Variants in SEMA6C observed in about 807,000 individuals in gnomAD.
The protein encoded by SEMA6C is semaphorin 6C.
SEMA6C carries 37 observed loss-of-function variants against 72.9 expected under a neutral mutation model. The ratio of observed to expected loss-of-function variants is 0.51; its 90% CI spans 0.39 to 0.67. The LOEUF is 0.67. Among genes scored for constraint, SEMA6C ranks in the 30% least tolerant of loss-of-function variants. The pLI, the probability that SEMA6C is intolerant of heterozygous loss-of-function variation, is 0.00. For missense variants in SEMA6C, 1,189 were observed against 1,263.6 expected (o/e 0.94, Z 0.89); for synonymous variants, 578 against 554.1 (o/e 1.04, Z -0.61).
At chr1:151,134,334 C>T in intron 18 of SEMA6C, 67 bp downstream of exon 18, 1 of 1,428,508 alleles carries the variant, frequency 7.0e-7, no homozygotes, top group Non-Finnish European at 9.7e-7. Flanking sequence ...TCTGCTGCTG[C>T]TACAGGACAC....
rs1289321196 is a variant in SEMA6C, at chr1:151,132,160, C to G, written c.*324G>C. 3 of 1,383,818 alleles carry G rather than the reference C, an allele frequency of 2.2e-6. No individual in the cohort carries two copies. The highest frequency in any genetic ancestry group is 1.4e-5 in the African/African-American group (1 of 69,222). 85.7% of individuals were successfully genotyped at this position (1,383,818 alleles called of 1,614,324 possible). ...TCTGGACACAGCGCGCGCGGCCCGC[C>G]CGGGGCACAGTCTCTGGGGGAGCCC... On this transcript the variant is annotated 3_prime_UTR_variant, in exon 19 of 19. Coordinates refer to ENST00000368914, the MANE Select transcript of SEMA6C (RefSeq NM_030913.6).
intron 18 of SEMA6C, 105 bp downstream of exon 18, chr1:151,134,296 G>T: frequency 8.6e-7 from 1 of 1,163,410 alleles, no homozygotes; most frequent in African/African-American, 1.5e-5. Context: ...ACCCTTTTCC[G>T]ATACTCCCAG....
At chr1:151,137,096 G>A in intron 10 of SEMA6C, 22 bp from the exon 11 acceptor site, 1 of 1,605,012 alleles carries the variant, frequency 6.2e-7, no homozygotes, top group Non-Finnish European at 8.5e-7. Context: ...GAGTGGAGTA[G>A]ACAATGGTGA....
At chr1:151,138,551 T>G (rs1472150914) in intron 7 of SEMA6C, 79 bp downstream of exon 7, 2 of 1,495,600 alleles carry the variant, frequency 1.3e-6, no homozygotes, top group Admixed American at 3.5e-5. Context: ...CCGCAGTCCT[T>G]GGTCCTTTCC....
intron 12 of SEMA6C, 41 bp from the exon 13 acceptor site, chr1:151,136,204 CTGGA>C: frequency 6.2e-7 from 1 of 1,610,080 alleles, no homozygotes; most frequent in Non-Finnish European, 8.5e-7. Context: ...GGACTGGGAG[CTGGA>C]GCTTAGTTAA....
At chr1:151,134,981 C>A in intron 15 of SEMA6C, 106 bp from the exon 16 acceptor site, 1 of 1,343,798 alleles carries the variant, frequency 7.4e-7, no homozygotes, top group South Asian at 1.2e-5. Context: ...CAGCCTCATT[C>A]TCTCCTGTCC....
chr1:151,140,211 ATTCTTAATACCAATAACACTGAG>A, intron 3 of SEMA6C, 121 bp from the exon 4 acceptor site: 1 of 743,558 alleles, frequency 1.3e-6, no homozygotes, highest in Non-Finnish European at 2.4e-6. Context: ...CCCAAAAGCT[ATTCTTAATACCAATAACACTGAG>A]TACTTAATCT....
In SEMA6C at chr1:151,138,490, TC is replaced by T. The variant is rs1682250281; in HGVS notation, c.457-85del. On this transcript the variant is annotated intron_variant, in intron 7 of 18. Coordinates refer to ENST00000368914, the MANE Select transcript of SEMA6C (RefSeq NM_030913.6). ...GCCTATTCCCTCCTGTCCCGTTGCC[TC>T]CTCCCCAACCCCTCTGGACCCTTGC... 6.8e-6 allele frequency: 10 copies of T among 1,461,248 alleles called. No homozygotes were observed. In the East Asian group the frequency reaches 2.1e-4, roughly 31 times the overall value. 90.5% of individuals were successfully genotyped at this position (1,461,248 alleles called of 1,614,324 possible).
In SEMA6C at chr1:151,132,595, GC is replaced by G; in HGVS notation, c.2681del (p.Gly894AlafsTer4). 3 of 1,551,394 alleles carry G rather than the reference GC, an allele frequency of 1.9e-6. No homozygotes were observed. Among genetic ancestry groups the G allele is most frequent in the Non-Finnish European group, 2.6e-6 (3 of 1,147,266 alleles). ...LYLGRPEGYRGRALKRVDVEK... is the reference protein window; with the variant it reads ...LYLGRPEGYRXRALKRVDVEK... ...CGACGTCCACCCTTTTCAGGGCGCG[GC>G]CCCGGTAGCCCTCGGGCCGGCCCAG... On this transcript the variant is annotated frameshift_variant, in exon 19 of 19. Coordinates refer to ENST00000368914, the MANE Select transcript of SEMA6C (RefSeq NM_030913.6). LOFTEE classifies it low-confidence loss of function (END_TRUNC).
At chr1:151,136,233 ACTG>A in intron 12 of SEMA6C, 70 bp from the exon 13 acceptor site, 1 of 1,584,464 alleles carries the variant, frequency 6.3e-7, no homozygotes, top group African/African-American at 1.3e-5. Flanking sequence ...TGTGCCCCCT[ACTG>A]CTCCCAAACC....
Position 151,133,154 on chromosome 1 carries a change from G to A in SEMA6C, c.2123C>T (p.Pro708Leu). ...LPTPESTPEL[P>L]VKHLRAAGDP... is the part of the protein sequence containing the mutation. The stretch of plus-strand genomic sequence containing the variant: ...CCCGGCGGCGCGGAGGTGCTTGACC[G>A]GCAGCTCCGGCGTGGACTCGGGGGT... Residue 708 changes from proline (P) to leucine (L), a missense_variant, in exon 19 of 19, where the codon CCG becomes CTG. Pro to Leu is a moderately conservative substitution (Grantham distance 98, BLOSUM62 -3). This residue lies in a region of SEMA6C where 721 missense variants were observed against 686.2 expected (regional missense o/e 1.05). Coordinates refer to ENST00000368914, the MANE Select transcript of SEMA6C (RefSeq NM_030913.6). This position sits in a 1 kb window ranked among gnomAD's most constrained non-coding sequence, Gnocchi z 5.9. The A allele has an allele frequency of 1.3e-6, 2 of 1,550,448 alleles. No homozygotes were observed. Among genetic ancestry groups the A allele is most frequent in the South Asian group, 1.2e-5 (1 of 83,188 alleles).
At position 151,138,311 on chromosome 1, in the gene SEMA6C, C is replaced by T. The variant is rs764480377; in HGVS notation, c.547+5G>A. On this transcript the variant is annotated splice_donor_5th_base_variant and intron_variant, in intron 8 of 18. Coordinates refer to ENST00000368914, the MANE Select transcript of SEMA6C (RefSeq NM_030913.6). ...TGCTTTCTTCTCACATGCCCAGTTG[C>T]ACACCTGCAAAGATGGCCACGTTGG... 1.9e-6 allele frequency: 3 copies of T among 1,613,544 alleles called. No homozygotes were observed. Among genetic ancestry groups the T allele is most frequent in the Non-Finnish European group, 2.5e-6 (3 of 1,179,664 alleles).
rs1001099120 is a variant in SEMA6C at position 151,145,929 on chromosome 1, G to C, written c.-105+504C>G. 1 of 152,264 alleles carries C rather than the reference G, an allele frequency of 6.6e-6. No individual in the cohort carries two copies. Among genetic ancestry groups the C allele is most frequent in the African/African-American group, 2.4e-5 (1 of 41,454 alleles). 9.4% of individuals were successfully genotyped at this position (152,264 alleles called of 1,614,324 possible). On this transcript the variant is annotated intron_variant, in intron 1 of 18. Coordinates refer to ENST00000368914, the MANE Select transcript of SEMA6C (RefSeq NM_030913.6). The surrounding 1 kb of genome is among the most constrained non-coding windows in gnomAD (Gnocchi z 4.4). ...ATGTTGCTCGAGGGCCCCATTCGCC[G>C]CCTCTTTGCACGAGCCAACCCTTCA...
At chr1:151,141,036 C>T (rs1405060843) in intron 3 of SEMA6C, among the ~76,000 whole-genome samples, 1 of 151,928 alleles carries the variant, frequency 6.6e-6, no homozygotes, top group Non-Finnish European at 1.5e-5. Context: ...GGAGCTGCTT[C>T]TAGCACATAG....
In SEMA6C at chr1:151,133,823, G is replaced by T; in HGVS notation, c.1760-306C>A. The T allele has an allele frequency of 1.1e-6, 1 of 907,094 alleles. No individual in the cohort carries two copies. The highest frequency in any genetic ancestry group is 1.7e-6 in the Non-Finnish European group (1 of 596,498). 56.2% of individuals were successfully genotyped at this position (907,094 alleles called of 1,614,324 possible). ...GCTCGTGCAGGAGAACTCGGGGCTGGGATGCCCAATTCTGGGGAAGGGAGG... is the reference window on the plus strand; with the variant it reads ...GCTCGTGCAGGAGAACTCGGGGCTGTGATGCCCAATTCTGGGGAAGGGAGG... On this transcript the variant is annotated intron_variant, in intron 18 of 18. Transcript: ENST00000368914. This position sits in a 1 kb window ranked among gnomAD's most constrained non-coding sequence, Gnocchi z 5.9.
intron 11 of SEMA6C, 24 bp from the exon 12 acceptor site, chr1:151,136,603 G>A: frequency 6.2e-7 from 1 of 1,613,528 alleles, no homozygotes; most frequent in Non-Finnish European, 8.5e-7. Context: ...AAAAGATGCA[G>A]GATAGGTGCT....
intron 9 of SEMA6C, 21 bp downstream of exon 9, chr1:151,137,964 CT>C: frequency 6.2e-7 from 1 of 1,610,176 alleles, no homozygotes; most frequent in Non-Finnish European, 8.5e-7. Context: ...TAACAGTCTC[CT>C]TTCCCCAGGC....
At position 151,133,050 on chromosome 1, in the gene SEMA6C, CGCCCGCCGCGT is replaced by C. The variant is rs761731954; in HGVS notation, c.2216_2226del (p.His739ArgfsTer285). On this transcript the variant is annotated frameshift_variant, in exon 19 of 19. Coordinates refer to ENST00000368914, the MANE Select transcript of SEMA6C (RefSeq NM_030913.6). LOFTEE classifies it low-confidence loss of function (END_TRUNC). The surrounding 1 kb of genome is among the most constrained non-coding windows in gnomAD (Gnocchi z 5.9). ...CTCACCAGCACGCGGGGCGCGGGCC[CGCCCGCCGCGT>C]GCCCGCCCCGTGAGCGGCCCGGACC... The C allele has an allele frequency of 6.4e-6, 9 of 1,417,132 alleles. No homozygotes were observed. Among genetic ancestry groups the C allele is most frequent in the African/African-American group, 1.5e-5 (1 of 65,112 alleles). The allele number at this position is 1,417,132 out of a possible 1,614,324, so 87.8% of individuals were successfully genotyped here. A position where few individuals can be genotyped will look rare whatever the true frequency, so the allele number is the denominator to read the frequency against.
chr1:151,145,923 T>C lies in SEMA6C; in HGVS notation c.-105+510A>G, dbSNP rs1682900284. 6.6e-6 allele frequency: 1 copy of C among 152,276 alleles called. No individual in the cohort carries two copies. The highest frequency in any genetic ancestry group is 1.5e-5 in the Non-Finnish European group (1 of 68,102). 9.4% of individuals were successfully genotyped at this position (152,276 alleles called of 1,614,324 possible). A position where few individuals can be genotyped will look rare whatever the true frequency, so the allele number is the denominator to read the frequency against. On this transcript the variant is annotated intron_variant, in intron 1 of 18. Coordinates refer to ENST00000368914, the MANE Select transcript of SEMA6C (RefSeq NM_030913.6). The surrounding 1 kb of genome is among the most constrained non-coding windows in gnomAD (Gnocchi z 4.4). The stretch of plus-strand genomic sequence containing the variant: ...GGACCGATGTTGCTCGAGGGCCCCA[T>C]TCGCCGCCTCTTTGCACGAGCCAAC...
Sources: gnomAD v4.1 joint callset for allele counts (sites outside exome capture counted in the v4.1 genomes callset) on GRCh38, gnomAD v4.1.1 for gene constraint, gnomAD v4.1.1 regional missense constraint, Gnocchi (gnomAD v3.1) non-coding constraint, MANE v1.5 for transcripts, NCBI Gene and HGNC (gene_info 2026-07-23, HGNC 2026-07-21) for gene names.